The following METTL25 variants were observed in gnomAD, a reference collection of about 807,000 sequenced individuals.
METTL25 encodes methyltransferase like 25.
Under a neutral mutation model 71.6 loss-of-function variants are expected in METTL25, and 64 were observed. The observed-to-expected ratio is 0.89, with a 90% CI of 0.73 to 1.10. The LOEUF (loss-of-function observed/expected upper bound fraction) is 1.10, where lower values mean the gene tolerates loss of function less well. Among genes scored for constraint, METTL25 ranks in the 50% least tolerant of loss-of-function variants. The pLI, the probability that METTL25 is intolerant of heterozygous loss-of-function variation, is 0.00. For missense variants in METTL25, 807 were observed against 707.0 expected, an observed-to-expected ratio of 1.14 and a Z score of -1.60; for synonymous variants, 287 against 250.3, an observed-to-expected ratio of 1.15 and a Z score of -1.38.
chr12:82,477,229 G>A, intron 10 of METTL25, 52 bp from the exon 11 acceptor site: 5 of 792,344 alleles, frequency 6.3e-6, no homozygotes, highest in Middle Eastern at 2.4e-4. Flanking sequence ...AAATAAGCTA[G>A]TCTTTTTTTT....
intron 5 of METTL25, among the ~76,000 whole-genome samples, chr12:82,414,509 C>A (rs965131261): frequency 6.6e-6 from 1 of 152,014 alleles, no homozygotes; most frequent in South Asian, 2.1e-4. Flanking sequence ...GTTTTTGAAG[C>A]GCATGCAGAT....
chr12:82,431,112 T>G (rs73153530), intron 6 of METTL25, 125 bp downstream of exon 6: 32,913 of 480,784 alleles, frequency 0.068, 1,394 homozygotes, highest in Non-Finnish European at 0.091. Flanking sequence ...TTTTGTGCAT[T>G]GGAAATTATA....
At chr12:82,394,847 G>A (rs775897357) in intron 3 of METTL25, among the ~76,000 whole-genome samples, 8 of 151,942 alleles carry the variant, frequency 5.3e-5, no homozygotes, top group East Asian at 1.9e-4. Flanking sequence ...TAAAACCTTC[G>A]GGAGGTAAGC....
chr12:82,407,203 A>G (rs1277921272), intron 5 of METTL25, among the ~76,000 whole-genome samples: 1 of 152,074 alleles, frequency 6.6e-6, no homozygotes, highest in Non-Finnish European at 1.5e-5. Flanking sequence ...TTCTAAGGAA[A>G]TTAGTTGAAG....
At chr12:82,423,586 A>G (rs1033381886) in intron 5 of METTL25, among the ~76,000 whole-genome samples, 1 of 152,330 alleles carries the variant, frequency 6.6e-6, no homozygotes, top group African/African-American at 2.4e-5. Context: ...AAAAGAAACT[A>G]CCATCGGAGT....
intron 10 of METTL25, 94 bp downstream of exon 10, chr12:82,476,812 G>A: frequency 2.7e-6 from 2 of 751,302 alleles, no homozygotes; most frequent in East Asian, 5.5e-5. Context: ...AATCTATGTT[G>A]TTTTTCTCTT....
At chr12:82,383,314 A>G (rs982350240) in intron 1 of METTL25, among the ~76,000 whole-genome samples, 1 of 135,942 alleles carries the variant, frequency 7.4e-6, no homozygotes, top group Non-Finnish European at 1.6e-5. Flanking sequence ...AGCTGGGACA[A>G]TGCTTTTCTT....
chr12:82,448,819 A>ATGT (rs78811390), intron 8 of METTL25, among the ~76,000 whole-genome samples: 10,797 of 151,996 alleles, frequency 0.071, 399 homozygotes, highest in Middle Eastern at 0.12. Context: ...GCAAAATTTT[A>ATGT]TGTTGATCTT....
intron 7 of METTL25, among the ~76,000 whole-genome samples, chr12:82,437,641 A>G (rs1315546854): frequency 1.3e-5 from 2 of 151,756 alleles, no homozygotes; most frequent in African/African-American, 4.8e-5. Context: ...TATTTATTCT[A>G]GTTGAAAACA....
chr12:82,419,486 T>TA (rs1054193544), intron 5 of METTL25, among the ~76,000 whole-genome samples: 2 of 152,098 alleles, frequency 1.3e-5, no homozygotes, highest in Non-Finnish European at 2.9e-5. Flanking sequence ...ATCTTGTCCA[T>TA]AAGGGGCTGC....
chr12:82,375,461 A>G (rs1483091470), intron 1 of METTL25, among the ~76,000 whole-genome samples: 1 of 150,170 alleles, frequency 6.7e-6, no homozygotes, highest in South Asian at 2.1e-4. Context: ...AAATATATAT[A>G]TGTTCTTTAT....
At chr12:82,402,938 CT>C in intron 4 of METTL25, 44 bp from the exon 5 acceptor site, 1 of 1,442,016 alleles carries the variant, frequency 6.9e-7, no homozygotes. Context: ...TTAAACAACC[CT>C]CTTTTTAATT....
chr12:82,423,775 A>G (rs1232142671), intron 5 of METTL25, among the ~76,000 whole-genome samples: 1 of 152,246 alleles, frequency 6.6e-6, no homozygotes, highest in African/African-American at 2.4e-5. Context: ...GCCAACAGGC[A>G]CATGAAAAAA....
intron 1 of METTL25, among the ~76,000 whole-genome samples, chr12:82,378,853 C>T (rs754196444): frequency 3.9e-5 from 6 of 151,960 alleles, no homozygotes; most frequent in Non-Finnish European, 7.4e-5. Flanking sequence ...CATAGTGAGA[C>T]CCTGTCTCTA....
chr12:82,448,264 C>CT (rs1189795096), intron 8 of METTL25, among the ~76,000 whole-genome samples: 7 of 151,954 alleles, frequency 4.6e-5, no homozygotes, highest in African/African-American at 1.4e-4. Context: ...CCTGAAAGTT[C>CT]TTTAAGTGTA....
intron 5 of METTL25, among the ~76,000 whole-genome samples, chr12:82,415,078 A>G (rs1043319060): frequency 4.6e-5 from 7 of 152,142 alleles, no homozygotes; most frequent in African/African-American, 1.7e-4. Context: ...GGAAGCTCCT[A>G]TCACAGTGTT....
rs149784667 is a variant in METTL25 at position 82,382,767 on chromosome 12, G to A, written c.260-4036G>A. Among the ~76,000 whole-genome samples, 1,500 of 152,124 alleles carry A rather than the reference G, an allele frequency of 9.9e-3. 24 individuals carry two copies. Among genetic ancestry groups the A allele is most frequent in the African/African-American group, 0.034 (1,414 of 41,486 alleles). On this transcript the variant is annotated intron_variant, in intron 1 of 11. Transcript: ENST00000248306. ...GTCTTGCTCTGTTGCCCAGGCTGGA[G>A]TGCAGTGTCATGATGAGGGTTCACT...
chr12:82,424,032 C>T (rs1452825009), intron 5 of METTL25, among the ~76,000 whole-genome samples: 2 of 152,188 alleles, frequency 1.3e-5, no homozygotes, highest in Non-Finnish European at 2.9e-5. Flanking sequence ...CATCCCATTA[C>T]TGGGTATATA....
At chr12:82,476,886 A>G (rs1332636471) in intron 10 of METTL25, among the ~76,000 whole-genome samples, 168 bp downstream of exon 10, 4 of 151,896 alleles carry the variant, frequency 2.6e-5, no homozygotes, top group African/African-American at 2.4e-5. Context: ...CAGTAATGTA[A>G]TAAAGAGAAC....
Sources: allele counts gnomAD v4.1 joint callset (sites outside exome capture counted in the v4.1 genomes callset), GRCh38; gene constraint gnomAD v4.1.1; transcripts MANE v1.5; gene names NCBI Gene and HGNC (gene_info 2026-07-23, HGNC 2026-07-21).